PLA2G4E: variants seen among roughly 807,000 people sequenced by gnomAD.
PLA2G4E encodes phospholipase A2 group IVE.
PLA2G4E carries 84 observed loss-of-function variants against 109.1 expected under a neutral mutation model. That is an observed-to-expected ratio of 0.77 (90% CI 0.65 to 0.92). The LOEUF (loss-of-function observed/expected upper bound fraction) is 0.92. PLA2G4E is among the 40% of genes least tolerant of loss of function. The probability of loss-of-function intolerance (pLI) is 0.00; values close to 1 mark genes in which losing one functional copy is unlikely to be tolerated. For missense variants in PLA2G4E, 1,057 were observed against 1,076.6 expected, an observed-to-expected ratio of 0.98 and a Z score of 0.25; for synonymous variants, 469 against 436.1, an observed-to-expected ratio of 1.08 and a Z score of -0.94.
intron 5 of PLA2G4E, among the ~76,000 whole-genome samples, chr15:42,004,328 A>AG (rs2068451424): frequency 1.3e-5 from 2 of 150,178 alleles, no homozygotes; most frequent in African/African-American, 2.5e-5. Flanking sequence ...AAGGAAAGAA[A>AG]GGAAAGAAAG....
intron 2 of PLA2G4E, chr15:42,008,977 G>A (rs1037897355): frequency 6.6e-6 from 1 of 152,178 alleles, no homozygotes; most frequent in Non-Finnish European, 1.5e-5. Context: ...ACACTGAAAG[G>A]TTTATCAGAA....
In PLA2G4E at chr15:42,040,205, C is replaced by CT. The variant is rs1566851859; in HGVS notation, c.183+10315_183+10316insA. Among the ~76,000 whole-genome samples the CT allele has an allele frequency of 8.0e-5, 12 of 150,928 alleles. No homozygotes were observed. The East Asian group carries it at 2.3e-3, about 29-fold the overall frequency. On this transcript the variant is annotated intron_variant, in intron 1 of 19. Transcript: ENST00000399518. ...AAACTTTAAAACACACACACACACG[C>CT]ACACACACACACCTACACACACACT...
At chr15:42,034,949 C>T (rs1889182543) in intron 1 of PLA2G4E, among the ~76,000 whole-genome samples, 1 of 152,204 alleles carries the variant, frequency 6.6e-6, no homozygotes, top group South Asian at 2.1e-4. Flanking sequence ...GAACAGAACT[C>T]CACACAGACT....
At chr15:41,999,546 A>T in exon 10 of PLA2G4E, 1 of 1,611,988 alleles carries the variant, frequency 6.2e-7, no homozygotes, top group Non-Finnish European at 8.5e-7. Flanking sequence ...TTCATGTGTA[A>T]TTCATAACTC....
chr15:41,983,894 G>C, exon 20 of PLA2G4E: 1 of 1,613,472 alleles, frequency 6.2e-7, no homozygotes, highest in Non-Finnish European at 8.5e-7. Flanking sequence ...GTGTATGTCA[G>C]CTCCTTGGTG....
rs371845139 is a variant in PLA2G4E, at chr15:41,992,888, C to T, written c.1319G>A (p.Arg440Gln). 83 of 1,613,826 alleles carry T rather than the reference C, an allele frequency of 5.1e-5. No homozygotes were observed. In the Admixed American group the frequency reaches 1.1e-3, roughly 21 times the overall value. Reference sequence around the variant, plus strand: ...TAGCTTGTCCTTTACCACATGTCTCCGAGCCTCAAAGATAGCAGGCTCCAA... The same window carrying T: ...TAGCTTGTCCTTTACCACATGTCTCTGAGCCTCAAAGATAGCAGGCTCCAA... Residue 440 changes from arginine (R) to glutamine (Q), a missense_variant, in exon 13 of 20, where the codon CGG becomes CAG. Coordinates refer to ENST00000399518, the Ensembl canonical transcript of PLA2G4E.
intron 1 of PLA2G4E, among the ~76,000 whole-genome samples, chr15:42,042,629 C>T (rs1889335719): frequency 6.6e-6 from 1 of 151,784 alleles, no homozygotes; most frequent in Admixed American, 6.6e-5. Flanking sequence ...TGGCCATCCT[C>T]TGGGAGTAGC....
exon 13 of PLA2G4E, chr15:41,992,864 A>G (rs1468313158): frequency 1.2e-6 from 2 of 1,614,030 alleles, no homozygotes; most frequent in Non-Finnish European, 8.5e-7. Context: ...CAGGGAGGGT[A>G]GCTTGTCCTT....
At chr15:42,007,039 G>A (rs1231610398) in intron 3 of PLA2G4E, among the ~76,000 whole-genome samples, 1 of 152,178 alleles carries the variant, frequency 6.6e-6, no homozygotes, top group African/African-American at 2.4e-5. Flanking sequence ...TTCTTGAAAA[G>A]ATACGTCACG....
At chr15:42,006,355 C>T (rs778190872) in intron 3 of PLA2G4E, 1 of 410,204 alleles carries the variant, frequency 2.4e-6, no homozygotes, top group Admixed American at 3.9e-5. Context: ...TTCTCACTTT[C>T]CTGCTAGAGA....
chr15:42,021,122 A>C (rs1018099528), intron 1 of PLA2G4E, among the ~76,000 whole-genome samples, 80 bp from the exon 1 acceptor site: 2 of 151,770 alleles, frequency 1.3e-5, no homozygotes. Flanking sequence ...AGTAGCTGGG[A>C]TTGCTCTGGG....
intron 1 of PLA2G4E, among the ~76,000 whole-genome samples, chr15:42,040,184 T>G (rs1477602183): frequency 6.6e-6 from 1 of 151,656 alleles, no homozygotes; most frequent in East Asian, 1.9e-4. Context: ...TCTACAAAAC[T>G]TTAAAACACA....
At chr15:41,994,658 C>T (rs534900810) in intron 12 of PLA2G4E, among the ~76,000 whole-genome samples, 1 of 152,008 alleles carries the variant, frequency 6.6e-6, no homozygotes, top group African/African-American at 2.4e-5. Context: ...GCCACCATAC[C>T]TGGCCACATA....
At chr15:41,984,003 A>G (rs767273196) in intron 19 of PLA2G4E, 29 bp from the exon 20 acceptor site, 30 of 1,563,192 alleles carry the variant, frequency 1.9e-5, no homozygotes, top group Non-Finnish European at 2.6e-5. Flanking sequence ...CTTGTTATAG[A>G]CTCTGTCATG....
At position 42,035,286 on chromosome 15, in the gene PLA2G4E, A is replaced by G. The variant is rs539056753; in HGVS notation, c.183+15235T>C. On this transcript the variant is annotated intron_variant, in intron 1 of 19. Transcript: ENST00000399518. ...CAACACTGTCATATGTCTACCCACC[A>G]CTCACATACCTTACTGCCTTGGTGA... 5.9e-5 allele frequency among the ~76,000 whole-genome samples: 9 copies of G among 152,176 alleles called. No homozygotes were observed. In the East Asian group the frequency reaches 1.7e-3, roughly 29 times the overall value.
rs1434309545 is a variant in PLA2G4E, at chr15:41,984,365, C to T, written c.2386+71G>A. 8 of 1,466,174 alleles carry T rather than the reference C, an allele frequency of 5.5e-6. No individual in the cohort carries two copies. In the South Asian group the frequency reaches 6.4e-5, roughly 12 times the overall value. 90.8% of individuals were successfully genotyped at this position (1,466,174 alleles called of 1,614,324 possible). On this transcript the variant is annotated intron_variant, in intron 19 of 19. Coordinates refer to ENST00000399518, the Ensembl canonical transcript of PLA2G4E. ...GCTTCCCCGTTAGTGCCCTTAGAGA[C>T]TCTACAGATCTAAAGGCATTCCCGG...
At chr15:42,029,588 G>A (rs1458987165) in intron 1 of PLA2G4E, among the ~76,000 whole-genome samples, 1 of 152,214 alleles carries the variant, frequency 6.6e-6, no homozygotes, top group East Asian at 1.9e-4. Flanking sequence ...TGGTAAGGAT[G>A]ACATCGTCAT....
At chr15:42,001,917 TC>T (rs2068424089) in intron 6 of PLA2G4E, among the ~76,000 whole-genome samples, 1 of 152,160 alleles carries the variant, frequency 6.6e-6, no homozygotes, top group African/African-American at 2.4e-5. Flanking sequence ...TGTTTTGAAC[TC>T]CCGGGCTCAA....
intron 1 of PLA2G4E, among the ~76,000 whole-genome samples, chr15:42,020,191 G>T (rs1207790276): frequency 6.6e-6 from 1 of 152,236 alleles, no homozygotes; most frequent in Non-Finnish European, 1.5e-5. Context: ...AGTACTTTCA[G>T]GGCATCACCC....
Sources: gnomAD v4.1 joint callset for allele counts (sites outside exome capture counted in the v4.1 genomes callset) on GRCh38, gnomAD v4.1.1 for gene constraint, MANE v1.5 for transcripts, NCBI Gene and HGNC (gene_info 2026-07-23, HGNC 2026-07-21) for gene names.